SEMA5A: variants seen among roughly 807,000 people sequenced by gnomAD.
The protein encoded by SEMA5A is semaphorin-5A.
SEMA5A carries 55 observed loss-of-function variants against 135.5 expected under a neutral mutation model. That is an observed-to-expected ratio of 0.41 (90% confidence interval 0.33 to 0.51). The LOEUF (loss-of-function observed/expected upper bound fraction) is 0.51. Among genes scored for constraint, SEMA5A ranks in the 20% least tolerant of loss-of-function variants. SEMA5A has a pLI of 0.37. For missense variants in SEMA5A, 1,290 were observed against 1,419.9 expected, an observed-to-expected ratio of 0.91 and a Z score of 1.47; for synonymous variants, 580 against 546.5, an observed-to-expected ratio of 1.06 and a Z score of -0.85.
intron 1 of SEMA5A, among the ~76,000 whole-genome samples, chr5:9,512,225 G>A (rs1383444046): frequency 1.3e-5 from 2 of 152,174 alleles, no homozygotes; most frequent in South Asian, 4.1e-4. Context: ...ACATAAAAAA[G>A]CGTGCTAAAC....
At chr5:9,272,688 C>T (rs1018539785) in intron 5 of SEMA5A, among the ~76,000 whole-genome samples, 4 of 152,164 alleles carry the variant, frequency 2.6e-5, no homozygotes, top group African/African-American at 9.6e-5. Context: ...CTTTGCTATT[C>T]TGCAGCCTTC....
At chr5:9,137,332 T>A (rs1460812113) in intron 12 of SEMA5A, among the ~76,000 whole-genome samples, 2 of 152,226 alleles carry the variant, frequency 1.3e-5, no homozygotes, top group African/African-American at 4.8e-5. Context: ...ATCCTACATA[T>A]GATATCAGAA....
intron 2 of SEMA5A, among the ~76,000 whole-genome samples, chr5:9,435,246 G>A (rs532425586): frequency 5.9e-5 from 9 of 152,186 alleles, no homozygotes; most frequent in Middle Eastern, 3.4e-3. Context: ...TATATAAAAG[G>A]CAGTATGTAT....
At chr5:9,111,866 C>T (rs1740259931) in intron 15 of SEMA5A, among the ~76,000 whole-genome samples, 1 of 152,160 alleles carries the variant, frequency 6.6e-6, no homozygotes, top group Admixed American at 6.5e-5. Flanking sequence ...CTAACTCATG[C>T]CCCTGAGAGA....
At chr5:9,213,197 T>C (rs145166436) in intron 8 of SEMA5A, among the ~76,000 whole-genome samples, 58 of 152,332 alleles carry the variant, frequency 3.8e-4, no homozygotes, top group South Asian at 1.2e-3. Context: ...GAAGGTTCAA[T>C]TTTAACCTAC....
intron 5 of SEMA5A, among the ~76,000 whole-genome samples, chr5:9,313,064 C>T (rs898065608): frequency 6.6e-5 from 10 of 152,132 alleles, no homozygotes; most frequent in African/African-American, 2.4e-4. Context: ...AAATACCACC[C>T]TGGATTTCAG....
chr5:9,327,738 T>C (rs138024391), intron 4 of SEMA5A, among the ~76,000 whole-genome samples: 1 of 152,348 alleles, frequency 6.6e-6, no homozygotes, highest in African/African-American at 2.4e-5. Context: ...ATTACACTAA[T>C]AGTTTACATT....
rs1723185880 is a variant in SEMA5A, at chr5:9,041,688, A to G, written c.*1209T>C. On this transcript the variant is annotated 3_prime_UTR_variant, in exon 23 of 23. Transcript: ENST00000382496. ...TGGGTGGGAAGGCAGCACTGAAATA[A>G]AAGAAAAGGCACCAGAGCTGAGCAT... 6.6e-6 allele frequency: 1 copy of G among 152,570 alleles called. No homozygotes were observed. The highest frequency in any genetic ancestry group is 6.5e-5 in the Admixed American group (1 of 15,272). 9.5% of individuals were successfully genotyped at this position (152,570 alleles called of 1,614,324 possible).
intron 5 of SEMA5A, among the ~76,000 whole-genome samples, chr5:9,283,063 A>T (rs976271557): frequency 6.6e-6 from 1 of 152,208 alleles, no homozygotes; most frequent in Non-Finnish European, 1.5e-5. Flanking sequence ...TAAGATAATC[A>T]ATGTGCATTG....
Position 9,180,071 on chromosome 5 carries a change from C to T in SEMA5A, c.1273+10196G>A, listed in dbSNP as rs572745827. Among the ~76,000 whole-genome samples the T allele has an allele frequency of 2.0e-5, 3 of 152,286 alleles. No individual in the cohort carries two copies. In the South Asian group the frequency reaches 6.2e-4, roughly 32 times the overall value. On this transcript the variant is annotated intron_variant, in intron 11 of 22. Coordinates refer to ENST00000382496, the MANE Select transcript of SEMA5A (RefSeq NM_003966.3). ...TTGCATTTGTGCACTCCAATCTCTG[C>T]CCGTGTTATCACATGGCATTCTCCT...
chr5:9,318,005 C>T (rs549273051), intron 5 of SEMA5A, among the ~76,000 whole-genome samples: 1 of 152,218 alleles, frequency 6.6e-6, no homozygotes, highest in African/African-American at 2.4e-5. Flanking sequence ...AGCTGTTTTA[C>T]AAGAAATTGA....
chr5:9,144,584 C>T (rs1363868920), intron 12 of SEMA5A, among the ~76,000 whole-genome samples: 1 of 152,156 alleles, frequency 6.6e-6, no homozygotes, highest in African/African-American at 2.4e-5. Context: ...CTCTGGTGCC[C>T]TCATGACTGC....
chr5:9,296,774 G>C (rs2150598430), intron 5 of SEMA5A, among the ~76,000 whole-genome samples: 1 of 151,976 alleles, frequency 6.6e-6, no homozygotes, highest in South Asian at 2.1e-4. Context: ...AATGTCTTCT[G>C]TAGTATTTTA....
At chr5:9,511,216 C>T (rs1028651503) in intron 1 of SEMA5A, 1 of 152,090 alleles carries the variant, frequency 6.6e-6, no homozygotes, top group Non-Finnish European at 1.5e-5. Flanking sequence ...GCTACATAGT[C>T]CTTCTACAGC....
At chr5:9,166,774 C>T (rs1351533259) in intron 11 of SEMA5A, among the ~76,000 whole-genome samples, 4 of 152,204 alleles carry the variant, frequency 2.6e-5, no homozygotes, top group Non-Finnish European at 4.4e-5. Flanking sequence ...ATTAATAGAG[C>T]CCTCTGGGTA....
At chr5:9,540,926 G>GCCAT (rs1006766320) in intron 1 of SEMA5A, among the ~76,000 whole-genome samples, 14 of 152,188 alleles carry the variant, frequency 9.2e-5, no homozygotes, top group Non-Finnish European at 1.9e-4. Context: ...TGTGAGGAAT[G>GCCAT]CCATCTCTGC....
At chr5:9,201,360 A>C (rs1305612051) in intron 9 of SEMA5A, among the ~76,000 whole-genome samples, 5 of 152,254 alleles carry the variant, frequency 3.3e-5, no homozygotes, top group African/African-American at 1.2e-4. Context: ...TAAAGTTAGG[A>C]GTATCTCCCT....
chr5:9,332,680 T>C (rs138145294), intron 4 of SEMA5A, among the ~76,000 whole-genome samples: 10 of 152,324 alleles, frequency 6.6e-5, no homozygotes, highest in Admixed American at 4.6e-4. Flanking sequence ...ACATCAGGTA[T>C]GTGAGGCATG....
At chr5:9,190,607 C>T (rs1270817646) in intron 10 of SEMA5A, 136 bp from the exon 11 acceptor site, 3 of 722,958 alleles carry the variant, frequency 4.1e-6, no homozygotes, top group Non-Finnish European at 7.1e-6. Context: ...AACATGTCTG[C>T]TTCTCCATCC....
Sources: gnomAD v4.1 joint callset for allele counts (sites outside exome capture counted in the v4.1 genomes callset) on GRCh38, gnomAD v4.1.1 for gene constraint, MANE v1.5 for transcripts, NCBI Gene and HGNC (gene_info 2026-07-23, HGNC 2026-07-21) for gene names.